DOCK2: variants seen among roughly 807,000 people sequenced by gnomAD.
The protein encoded by DOCK2 is dedicator of cytokinesis protein 2.
In DOCK2, 87 loss-of-function variants were observed where a neutral mutation model predicts 248.9. The ratio of observed to expected loss-of-function variants is 0.35; its 90% confidence interval spans 0.29 to 0.42. DOCK2 has a LOEUF of 0.42. DOCK2 is among the 10% of genes least tolerant of loss of function. DOCK2 has a pLI of 1.00. For synonymous variants in DOCK2, 805 were observed against 821.6 expected (o/e 0.98, Z 0.35); for missense variants, 1,747 against 2,300.2 (o/e 0.76, Z 4.92).
chr5:169,684,402 A>G (rs1183834107), intron 8 of DOCK2, 52 bp downstream of exon 8: 9 of 1,576,994 alleles, frequency 5.7e-6, no homozygotes, highest in African/African-American at 1.3e-5. Flanking sequence ...AGCAGTGCAC[A>G]GAGCATCTTT....
In DOCK2 at chr5:169,699,819, G is replaced by T. The variant is rs537360763; in HGVS notation, c.1133-195G>T. ...GGATAATTTGCCAGAGGCTGACACC[G>T]CTAGAAATCATTAGCGGGATTCAGA... On this transcript the variant is annotated intron_variant, in intron 12 of 51. Coordinates refer to ENST00000520908, the MANE Select transcript of DOCK2 (RefSeq NM_004946.3). 7.2e-5 allele frequency among the ~76,000 whole-genome samples: 11 copies of T among 152,322 alleles called. No homozygotes were observed. In the South Asian group the frequency reaches 2.3e-3, roughly 32 times the overall value.
At chr5:169,947,935 G>A (rs777718353) in intron 27 of DOCK2, among the ~76,000 whole-genome samples, 13 of 152,154 alleles carry the variant, frequency 8.5e-5, no homozygotes, top group Middle Eastern at 3.2e-3. Flanking sequence ...GTGCCGCTGC[G>A]TTCTGCAAAG....
chr5:169,918,394 C>T (rs1427039990), intron 27 of DOCK2, among the ~76,000 whole-genome samples: 2 of 152,180 alleles, frequency 1.3e-5, no homozygotes, highest in East Asian at 1.9e-4. Context: ...AAGGAGGTTA[C>T]TGTAGCACTG....
rs752065132 is a variant in DOCK2, at chr5:170,057,663, G to T, written c.4464G>T (p.Ser1488=). The stretch of plus-strand genomic sequence containing the variant: ...GCTGGTTTGAGGTGGTGCACATGTC[G>T]CAGGTGAGTCTGGGACATTCGTGGC... ...ILRWFEVVHM[S]QTTISPLENA... is the part of the protein sequence containing the mutation. The change falls in exon 44 of 52, where the codon TCG becomes TCT. Residue 1488 remains serine (S), a synonymous_variant. Transcript: ENST00000520908. The T allele has an allele frequency of 1.9e-6, 3 of 1,609,300 alleles. No homozygotes were observed. Among genetic ancestry groups the T allele is most frequent in the African/African-American group, 1.3e-5 (1 of 74,912 alleles).
intron 27 of DOCK2, among the ~76,000 whole-genome samples, chr5:169,849,942 A>G (rs892324843): frequency 8.5e-5 from 13 of 152,242 alleles, no homozygotes; most frequent in African/African-American, 3.1e-4. Flanking sequence ...TAAATGAATG[A>G]AAGATGTTTA....
intron 26 of DOCK2, among the ~76,000 whole-genome samples, chr5:169,824,646 G>A (rs1368162636): frequency 6.6e-6 from 1 of 152,204 alleles, no homozygotes; most frequent in Non-Finnish European, 1.5e-5. Flanking sequence ...AGACTTAAAT[G>A]TTAGACCTAA....
intron 24 of DOCK2, among the ~76,000 whole-genome samples, chr5:169,760,137 A>G (rs894711704): frequency 2.6e-5 from 4 of 152,194 alleles, no homozygotes; most frequent in African/African-American, 9.6e-5. Flanking sequence ...GAACAGCCTA[A>G]GCATACCTAA....
intron 2 of DOCK2, among the ~76,000 whole-genome samples, chr5:169,666,268 A>G (rs1758726733): frequency 6.6e-6 from 1 of 152,124 alleles, no homozygotes; most frequent in African/African-American, 2.4e-5. Context: ...TCATGACCTA[A>G]TTACCTCCCA....
At chr5:169,687,704 T>G (rs1760068789) in intron 8 of DOCK2, among the ~76,000 whole-genome samples, 1 of 152,176 alleles carries the variant, frequency 6.6e-6, no homozygotes, top group Non-Finnish European at 1.5e-5. Flanking sequence ...CCTCTCTATC[T>G]TCCTGGAGTG....
chr5:169,997,686 A>T (rs1304441535), intron 30 of DOCK2, among the ~76,000 whole-genome samples: 1 of 150,280 alleles, frequency 6.7e-6, no homozygotes, highest in East Asian at 2.0e-4. Flanking sequence ...GTCACAGCAC[A>T]TGTTTCAGAG....
intron 25 of DOCK2, among the ~76,000 whole-genome samples, chr5:169,777,606 A>G (rs1765457479): frequency 6.6e-6 from 1 of 152,178 alleles, no homozygotes; most frequent in South Asian, 2.1e-4. Flanking sequence ...TGTTCAGAAT[A>G]AGGGGCTGGA....
intron 27 of DOCK2, among the ~76,000 whole-genome samples, chr5:169,950,678 G>T (rs1776626391): frequency 6.6e-6 from 1 of 152,194 alleles, no homozygotes; most frequent in Non-Finnish European, 1.5e-5. Flanking sequence ...CCAATGTTGT[G>T]TTCCTCTGGG....
intron 41 of DOCK2, among the ~76,000 whole-genome samples, chr5:170,052,233 G>T (rs6879567): frequency 6.6e-6 from 1 of 152,090 alleles, no homozygotes; most frequent in Non-Finnish European, 1.5e-5. Flanking sequence ...CCTGCCCTGC[G>T]TACCTGCTCT....
chr5:169,998,506 C>T (rs991452809), intron 30 of DOCK2, among the ~76,000 whole-genome samples: 1 of 152,224 alleles, frequency 6.6e-6, no homozygotes, highest in Non-Finnish European at 1.5e-5. Flanking sequence ...GTTAATAATA[C>T]ATGCCAGATC....
intron 23 of DOCK2, 122 bp downstream of exon 23, chr5:169,747,626 G>A: frequency 1.3e-6 from 1 of 790,032 alleles, no homozygotes; most frequent in Non-Finnish European, 1.9e-6. Context: ...GCCTGGGCTG[G>A]CCACTAGGTT....
chr5:169,645,180 A>T (rs1757387374), intron 1 of DOCK2, among the ~76,000 whole-genome samples: 1 of 152,162 alleles, frequency 6.6e-6, no homozygotes, highest in African/African-American at 2.4e-5. Flanking sequence ...TGCTGGGCCA[A>T]ATGGTATTTC....
intron 27 of DOCK2, among the ~76,000 whole-genome samples, chr5:169,929,517 G>A (rs906332691): frequency 3.9e-5 from 6 of 152,056 alleles, no homozygotes; most frequent in Non-Finnish European, 7.4e-5. Flanking sequence ...GGGGAGGATT[G>A]CTTGAGCCCA....
chr5:170,013,792 A>G (rs1755401870), intron 32 of DOCK2, among the ~76,000 whole-genome samples: 1 of 152,116 alleles, frequency 6.6e-6, no homozygotes, highest in Non-Finnish European at 1.5e-5. Context: ...GCTGTAGGAA[A>G]CTAACACACA....
Position 170,047,799 on chromosome 5 carries a change from C to G in DOCK2, c.4071+185C>G, listed in dbSNP as rs77944392. The stretch of plus-strand genomic sequence containing the variant: ...CATCATAATCACCAGCATTTCTCAT[C>G]TACTGTGTTTCTCTAACTACACAGC... On this transcript the variant is annotated intron_variant, in intron 40 of 51. Transcript: ENST00000520908. Among the ~76,000 whole-genome samples the G allele has an allele frequency of 3.3e-3, 507 of 152,306 alleles. 3 individuals carry two copies. The highest frequency in any genetic ancestry group is 0.012 in the African/African-American group (488 of 41,564).
Sources: allele counts gnomAD v4.1 joint callset (sites outside exome capture counted in the v4.1 genomes callset), GRCh38; gene constraint gnomAD v4.1.1; transcripts MANE v1.5; gene names NCBI Gene and HGNC (gene_info 2026-07-23, HGNC 2026-07-21).